Variants in CHRNE observed in about 807,000 individuals in gnomAD.
The protein encoded by CHRNE is cholinergic receptor nicotinic epsilon subunit.
In CHRNE, 58 loss-of-function variants were observed where a neutral mutation model predicts 56.5. The observed-to-expected ratio is 1.03, with a 90% CI of 0.83 to 1.28. CHRNE has a LOEUF of 1.28. CHRNE is among the 50% of genes most tolerant of loss of function. The pLI is 0.00. For synonymous variants in CHRNE, 385 were observed against 297.9 expected (o/e 1.29, Z -3.01); for missense variants, 793 against 688.9 (o/e 1.15, Z -1.69).
At chr17:4,901,889 C>CCG (rs761160030) in intron 5 of CHRNE, 43 bp downstream of exon 5, 2 of 1,601,996 alleles carry the variant, frequency 1.2e-6, no homozygotes, top group Non-Finnish European at 1.7e-6. Flanking sequence ...ATAAGGCCCC[C>CCG]CCCCAACAAT....
chr17:4,901,832 C>A, intron 5 of CHRNE, 100 bp downstream of exon 5: 6 of 1,541,740 alleles, frequency 3.9e-6, no homozygotes, highest in Non-Finnish European at 5.3e-6. Context: ...CCGCCTCCAG[C>A]GCGAAGCCCC....
chr17:4,900,947 G>A, intron 7 of CHRNE, 40 bp from the exon 8 acceptor site: 2 of 1,614,034 alleles, frequency 1.2e-6, no homozygotes, highest in Non-Finnish European at 8.5e-7. Flanking sequence ...CGCCTCCCGG[G>A]AGCGAGCCCG....
upstream of CHRNE, among the ~76,000 whole-genome samples, chr17:4,908,004 G>C (rs185521223): frequency 6.6e-6 from 1 of 151,948 alleles, no homozygotes; most frequent in African/African-American, 2.4e-5. Context: ...GTGAAACCCC[G>C]TCTCTACTAA....
At chr17:4,898,956 G>A (rs1306051315) in intron 11 of CHRNE, 45 bp downstream of exon 11, 15 of 1,558,588 alleles carry the variant, frequency 9.6e-6, no homozygotes, top group Middle Eastern at 1.7e-4. Context: ...GGGAGACAGT[G>A]GTGGGCCTCT....
rs2151097269 is a variant in CHRNE at position 4,901,054 on chromosome 17, G to A, written c.738C>T (p.Asn246=). The A allele has an allele frequency of 6.2e-7, 1 of 1,614,066 alleles. No homozygotes were observed. The highest frequency in any genetic ancestry group is 1.1e-5 in the South Asian group (1 of 91,088). ...AGATGAGCACACAGGGCACGATGATGTTAATGACGTAGAAGAGCGGCTTCC... is the reference window on the plus strand; with the variant it reads ...AGATGAGCACACAGGGCACGATGATATTAATGACGTAGAAGAGCGGCTTCC... ...IRRKPLFYVI[N]IIVPCVLISG... is the part of the protein sequence containing the mutation. The change falls in exon 7 of 12, where the codon AAC becomes AAT. Residue 246 remains asparagine (N), a synonymous_variant. Coordinates refer to ENST00000649488, the MANE Select transcript of CHRNE (RefSeq NM_000080.4).
upstream of CHRNE, among the ~76,000 whole-genome samples, chr17:4,906,695 T>G (rs965921147): frequency 1.6e-4 from 24 of 151,180 alleles, no homozygotes; most frequent in African/African-American, 5.6e-4. Flanking sequence ...TGTAAATAAA[T>G]AAATAAAATT....
rs776129600 is a variant in CHRNE, at chr17:4,902,017, G to C, written c.415C>G (p.Leu139Val). The change falls in exon 5 of 12, where the codon CTG becomes GTG. Residue 139 changes from leucine (L) to valine (V), a missense_variant. Coordinates refer to ENST00000649488, the MANE Select transcript of CHRNE (RefSeq NM_000080.4). This position sits in a 1 kb window ranked among gnomAD's most constrained non-coding sequence, Gnocchi z 4.0. ...LVYEGGSVTW[L>V]PPAIYRSVCA... ...ACGCTGCGGTAGATGGCCGGAGGCA[G>C]CCACGTCACGGAGCCGCCCTCGTAG... 9.3e-6 allele frequency: 15 copies of C among 1,614,122 alleles called. No homozygotes were observed. Among genetic ancestry groups the C allele is most frequent in the Non-Finnish European group, 1.2e-5 (14 of 1,180,054 alleles).
At chr17:4,906,459 T>A (rs1970093545), upstream of CHRNE, among the ~76,000 whole-genome samples, 2 of 152,126 alleles carry the variant, frequency 1.3e-5, no homozygotes, top group South Asian at 4.1e-4. Context: ...GATTCAAACT[T>A]GAAATCTTGC....
chr17:4,898,646 G>T lies in CHRNE; in HGVS notation c.*90C>A, dbSNP rs1969810043. The T allele has an allele frequency of 6.7e-7, 1 of 1,487,536 alleles. No homozygotes were observed. Among genetic ancestry groups the T allele is most frequent in the East Asian group, 2.4e-5 (1 of 41,378 alleles). 92.1% of individuals were successfully genotyped at this position (1,487,536 alleles called of 1,614,324 possible). ...CAAACTGCAGATTGATCAGCAGGGG[G>T]AAGGGATCATAATGCCGTGGTGGCG... On this transcript the variant is annotated 3_prime_UTR_variant, in exon 12 of 12. Transcript: ENST00000649488.
At chr17:4,907,235 T>TAA (rs140995776), upstream of CHRNE, among the ~76,000 whole-genome samples, 2 of 147,014 alleles carry the variant, frequency 1.4e-5, no homozygotes, top group African/African-American at 2.5e-5. Flanking sequence ...TTGGGGGAAT[T>TAA]AAAAAAAAAA....
intron 8 of CHRNE, 145 bp downstream of exon 8, chr17:4,900,648 C>T (rs1597618325): frequency 2.1e-6 from 3 of 1,453,266 alleles, no homozygotes; most frequent in East Asian, 5.0e-5. Context: ...GGACCAGGGA[C>T]TCCATCCCCG....
chr17:4,901,232 C>A (rs762144942), intron 6 of CHRNE, 42 bp from the exon 7 acceptor site: 4 of 1,584,830 alleles, frequency 2.5e-6, no homozygotes, highest in Non-Finnish European at 3.4e-6. Context: ...CAGAGCGGGG[C>A]GCCCGCCGAG....
rs376713095 is a variant in CHRNE, at chr17:4,898,772, C to T, written c.1446G>A (p.Val482=). ...LIFLGAYFNR[V]PDLPYAPCIQ... is the part of the protein sequence containing the mutation. ...TACACGGCGCGTAGGGGAGATCAGG[C>T]ACTCGGTTGAAGTAGGCCCCGAGGA... The change falls in exon 12 of 12, where the codon GTG becomes GTA. Residue 482 remains valine, a synonymous_variant. Coordinates refer to ENST00000649488, the MANE Select transcript of CHRNE (RefSeq NM_000080.4). 1.2e-4 allele frequency: 188 copies of T among 1,610,502 alleles called. No individual in the cohort carries two copies. The highest frequency in any genetic ancestry group is 1.5e-4 in the Non-Finnish European group (174 of 1,178,824).
At chr17:4,907,898 C>T (rs929207654), upstream of CHRNE, among the ~76,000 whole-genome samples, 2 of 152,032 alleles carry the variant, frequency 1.3e-5, no homozygotes, top group Non-Finnish European at 1.5e-5. Context: ...AAAACTTAGT[C>T]GGGCACGGTG....
Position 4,903,095 on chromosome 17 carries a change from C to T in CHRNE, c.-32G>A. 1 of 1,613,406 alleles carries T rather than the reference C, an allele frequency of 6.2e-7. No homozygotes were observed. On this transcript the variant is annotated 5_prime_UTR_variant, in exon 1 of 12. Coordinates refer to ENST00000649488, the MANE Select transcript of CHRNE (RefSeq NM_000080.4). ...GCGTGGTTCTCAGGGTTATTCTGAG[C>T]TCTGGCAGGCTTGGAGGGGGCATGC...
rs1244081855 is a variant in CHRNE at position 4,898,547 on chromosome 17, T to G, written c.*189A>C. ...CTGAGAGCCTATGTGAACCCTTTCC[T>G]CCTGCTGACCCCTGGACTGCGGCCA... On this transcript the variant is annotated 3_prime_UTR_variant, in exon 12 of 12. Coordinates refer to ENST00000649488, the MANE Select transcript of CHRNE (RefSeq NM_000080.4). The G allele has an allele frequency of 2.8e-6, 2 of 720,622 alleles. No homozygotes were observed. Among genetic ancestry groups the G allele is most frequent in the Non-Finnish European group, 4.6e-6 (2 of 432,880 alleles). 44.6% of individuals were successfully genotyped at this position (720,622 alleles called of 1,614,324 possible).
rs763066225 is a variant in CHRNE at position 4,901,236 on chromosome 17, C to A, written c.602-46G>T. The A allele has an allele frequency of 1.0e-5, 16 of 1,585,214 alleles. No homozygotes were observed. In the South Asian group the frequency reaches 1.4e-4, roughly 14 times the overall value. ...CAGCTGGCTGTCAGAGCGGGGCGCC[C>A]GCCGAGCTGACAGCGGGCTGAAGAG... On this transcript the variant is annotated intron_variant, in intron 6 of 11. Coordinates refer to ENST00000649488, the MANE Select transcript of CHRNE (RefSeq NM_000080.4).
rs1484300953 is a variant in CHRNE at position 4,902,004 on chromosome 17, A to G, written c.428T>C (p.Ile143Thr). The part of the protein sequence containing the change: ...GGSVTWLPPA[I>T]YRSVCAVEVT... ...CTCCACTGCGCAGACGCTGCGGTAG[A>G]TGGCCGGAGGCAGCCACGTCACGGA... is the stretch of plus-strand genomic sequence containing the variant. Residue 143 changes from isoleucine to threonine, a missense_variant, in exon 5 of 12, where the codon ATC (isoleucine) becomes ACC (threonine). Transcript: ENST00000649488. The surrounding 1 kb of genome is among the most constrained non-coding windows in gnomAD (Gnocchi z 4.0). 8 of 1,613,986 alleles carry G rather than the reference A, an allele frequency of 5.0e-6. No individual in the cohort carries two copies. Among genetic ancestry groups the G allele is most frequent in the Non-Finnish European group, 6.8e-6 (8 of 1,180,034 alleles).
chr17:4,899,373 C>T lies in CHRNE; in HGVS notation c.1044G>A (p.Glu348=), dbSNP rs1342148553. The change falls in exon 10 of 12, where the codon GAG becomes GAA. Residue 348 remains glutamate (E), a synonymous_variant. Transcript: ENST00000649488. Reference sequence around the variant, plus strand: ...GGGAGCCCAGGAGGCGCGGCAGCAGCTCCAGGAGAACCTGGGGCAGGGGCG... The same window carrying T: ...GGGAGCCCAGGAGGCGCGGCAGCAGTTCCAGGAGAACCTGGGGCAGGGGCG... ...MSPRLRHVLL[E]LLPRLLGSPP... is the part of the protein sequence containing the mutation. 6.5e-7 allele frequency: 1 copy of T among 1,533,342 alleles called. No homozygotes were observed. The highest frequency in any genetic ancestry group is 2.4e-5 in the East Asian group (1 of 41,076). 95.0% of individuals were successfully genotyped at this position (1,533,342 alleles called of 1,614,324 possible). A position where few individuals can be genotyped will look rare whatever the true frequency, so the allele number is the denominator to read the frequency against.
Sources: gnomAD v4.1 joint callset for allele counts (sites outside exome capture counted in the v4.1 genomes callset) on GRCh38, gnomAD v4.1.1 for gene constraint, Gnocchi (gnomAD v3.1) non-coding constraint, MANE v1.5 for transcripts, NCBI Gene and HGNC (gene_info 2026-07-23, HGNC 2026-07-21) for gene names.